Variants in BMPR2 observed in about 807,000 individuals in gnomAD.
The protein encoded by BMPR2 is bone morphogenetic protein receptor type 2.
A neutral mutation model predicts 100.8 loss-of-function variants in BMPR2; 29 were observed. The ratio of observed to expected loss-of-function variants is 0.29; its 90% confidence interval spans 0.21 to 0.39. The LOEUF (loss-of-function observed/expected upper bound fraction) is 0.39, where lower values mean the gene tolerates loss of function less well. Ranked by LOEUF, BMPR2 falls within the 10% of genes least tolerant of loss-of-function variation. The pLI is 1.00. For missense variants in BMPR2, 1,011 were observed against 1,274.5 expected, an observed-to-expected ratio of 0.79 and a Z score of 3.15; for synonymous variants, 382 against 442.3, an observed-to-expected ratio of 0.86 and a Z score of 1.71.
At chr2:202,461,874 G>C (rs1277494951) in intron 1 of BMPR2, among the ~76,000 whole-genome samples, 2 of 151,966 alleles carry the variant, frequency 1.3e-5, no homozygotes, top group Non-Finnish European at 2.9e-5. Flanking sequence ...TTAAAGGTAA[G>C]AAATCGTAAT....
intron 3 of BMPR2, among the ~76,000 whole-genome samples, chr2:202,471,535 A>G (rs150474329): frequency 2.4e-3 from 362 of 152,352 alleles, no homozygotes; most frequent in African/African-American, 8.2e-3. Context: ...ATAGTACTAT[A>G]TTCCAGTCAA....
At chr2:202,525,487 G>A (rs763855028) in intron 7 of BMPR2, among the ~76,000 whole-genome samples, 9 of 152,190 alleles carry the variant, frequency 5.9e-5, no homozygotes, top group African/African-American at 1.2e-4. Context: ...ATGAGCCAGC[G>A]CACCTGGCTG....
intron 10 of BMPR2, among the ~76,000 whole-genome samples, chr2:202,547,352 C>T (rs1476329896): frequency 6.6e-6 from 1 of 152,166 alleles, no homozygotes; most frequent in Non-Finnish European, 1.5e-5. Context: ...AATGTTTATA[C>T]TCCATTTCTT....
intron 7 of BMPR2, among the ~76,000 whole-genome samples, chr2:202,530,510 C>T (rs1688002377): frequency 6.6e-6 from 1 of 151,904 alleles, no homozygotes; most frequent in Non-Finnish European, 1.5e-5. Context: ...CCTTTTACAG[C>T]CCTATACTAT....
At position 202,434,927 on chromosome 2, in the gene BMPR2, ATATATATATT is replaced by A. The variant is rs1338637106; in HGVS notation, c.77-29878_77-29869del. ...AAAAAAAATATATATATATATATAT[ATATATATATT>A]TATTTATTTATTTACGTCTATAATC... On this transcript the variant is annotated intron_variant, in intron 1 of 12. Coordinates refer to ENST00000374580, the MANE Select transcript of BMPR2 (RefSeq NM_001204.7). Among the ~76,000 whole-genome samples, 170 of 113,586 alleles carry A rather than the reference ATATATATATT, an allele frequency of 1.5e-3. 3 individuals are homozygous for A. The highest frequency in any genetic ancestry group is 4.5e-3 in the Middle Eastern group (1 of 224). 74.5% of individuals were successfully genotyped at this position (113,586 alleles called of 152,430 possible).
At chr2:202,389,524 C>T (rs1305305605) in intron 1 of BMPR2, among the ~76,000 whole-genome samples, 1 of 110,718 alleles carries the variant, frequency 9.0e-6, no homozygotes, top group African/African-American at 3.3e-5. Context: ...AAGATTCCAT[C>T]TCAAAAAAAA....
rs559403910 is a variant in BMPR2, at chr2:202,489,274, A to G, written c.418+21585A>G. Among the ~76,000 whole-genome samples the G allele has an allele frequency of 8.9e-4, 136 of 152,284 alleles. 1 individual carries two copies. The highest frequency in any genetic ancestry group is 3.1e-3 in the African/African-American group (128 of 41,560). On this transcript the variant is annotated intron_variant, in intron 3 of 12. Transcript: ENST00000374580. The stretch of plus-strand genomic sequence containing the variant: ...CTCCTTGGCTTCCCAAAGTGCTGGG[A>G]TTACAGGCGTGAGCCACCACGCCCG...
rs377716569 is a variant in BMPR2 at position 202,397,697 on chromosome 2, A to G, written c.76+20147A>G. On this transcript the variant is annotated intron_variant, in intron 1 of 12. Coordinates refer to ENST00000374580, the MANE Select transcript of BMPR2 (RefSeq NM_001204.7). Reference sequence around the variant, plus strand: ...AAATTTTTTTTAGAGACAGGGTCTCACCATGTTGCCCAGGCTAGCTTCGAA... The same window carrying G: ...AAATTTTTTTTAGAGACAGGGTCTCGCCATGTTGCCCAGGCTAGCTTCGAA... 4.1e-3 allele frequency among the ~76,000 whole-genome samples: 626 copies of G among 151,662 alleles called. 5 individuals are homozygous for G. The highest frequency in any genetic ancestry group is 0.015 in the African/African-American group (603 of 41,518).
chr2:202,467,764 C>T, intron 3 of BMPR2, 75 bp downstream of exon 3: 1 of 1,491,334 alleles, frequency 6.7e-7, no homozygotes, highest in Non-Finnish European at 9.3e-7. Flanking sequence ...ACTTAAAAAA[C>T]ATTCAAGGTT....
At chr2:202,453,672 A>G (rs1280574034) in intron 1 of BMPR2, among the ~76,000 whole-genome samples, 2 of 152,200 alleles carry the variant, frequency 1.3e-5, no homozygotes, top group East Asian at 1.9e-4. Flanking sequence ...GAATAGTGGC[A>G]GAGGGGGTAA....
chr2:202,383,454 G>A (rs1209274760), intron 1 of BMPR2, among the ~76,000 whole-genome samples: 1 of 152,172 alleles, frequency 6.6e-6, no homozygotes, highest in African/African-American at 2.4e-5. Flanking sequence ...GCCAAGGTGG[G>A]CTGATCACCT....
At position 202,532,580 on chromosome 2, in the gene BMPR2, A is replaced by G. The variant is rs778936894; in HGVS notation, c.1129-5A>G. On this transcript the variant is annotated splice_region_variant and splice_polypyrimidine_tract_variant and intron_variant, in intron 8 of 12. Transcript: ENST00000374580. This position sits in a 1 kb window ranked among gnomAD's most constrained non-coding sequence, Gnocchi z 4.1. The stretch of plus-strand genomic sequence containing the variant: ...TCTCTAAAAAATATCACTCTAATTT[A>G]TCAGGTTGGCACTATCAGATATATG... The G allele has an allele frequency of 1.2e-6, 2 of 1,613,666 alleles. No individual in the cohort carries two copies. The highest frequency in any genetic ancestry group is 1.7e-6 in the Non-Finnish European group (2 of 1,179,796).
At chr2:202,425,720 A>T (rs1574442054) in intron 1 of BMPR2, among the ~76,000 whole-genome samples, 1 of 152,222 alleles carries the variant, frequency 6.6e-6, no homozygotes, top group African/African-American at 2.4e-5. Flanking sequence ...CTTATTTAAA[A>T]AATCTTTATG....
intron 1 of BMPR2, among the ~76,000 whole-genome samples, chr2:202,457,322 G>C (rs1692130946): frequency 6.6e-6 from 1 of 151,008 alleles, no homozygotes; most frequent in African/African-American, 2.4e-5. Context: ...TGCTTCAGAT[G>C]ATTAAGGGTT....
rs1400219413 is a variant in BMPR2, at chr2:202,380,744, C to A, written c.76+3194C>A. Among the ~76,000 whole-genome samples, 3 of 150,704 alleles carry A rather than the reference C, an allele frequency of 2.0e-5. No individual in the cohort carries two copies. In the South Asian group the frequency reaches 6.3e-4, roughly 32 times the overall value. The stretch of plus-strand genomic sequence containing the variant: ...TTCAAGCAATTCTGCCTCAGCCTCT[C>A]GGGTAGCTGGGATTACAGGCATGTG... On this transcript the variant is annotated intron_variant, in intron 1 of 12. Coordinates refer to ENST00000374580, the MANE Select transcript of BMPR2 (RefSeq NM_001204.7).
intron 1 of BMPR2, among the ~76,000 whole-genome samples, chr2:202,462,822 C>T (rs1692249961): frequency 6.6e-6 from 1 of 152,036 alleles, no homozygotes; most frequent in South Asian, 2.1e-4. Context: ...ATGTGATTCT[C>T]TTGCCTCAGC....
At chr2:202,535,354 C>T (rs1046588424) in intron 9 of BMPR2, among the ~76,000 whole-genome samples, 7 of 150,982 alleles carry the variant, frequency 4.6e-5, no homozygotes, top group Admixed American at 4.6e-4. Flanking sequence ...CAGAGGGTCT[C>T]CTCACTTCTC....
At chr2:202,434,977 G>C (rs1280291403) in intron 1 of BMPR2, among the ~76,000 whole-genome samples, 3 of 137,630 alleles carry the variant, frequency 2.2e-5, no homozygotes, top group African/African-American at 8.7e-5. Context: ...CAATTTGGGA[G>C]ACTGAGGTGG....
At chr2:202,412,347 C>T (rs900890132) in intron 1 of BMPR2, among the ~76,000 whole-genome samples, 2 of 152,196 alleles carry the variant, frequency 1.3e-5, no homozygotes, top group African/African-American at 4.8e-5. Flanking sequence ...GAGATGGAGT[C>T]TCACTCTGTC....
Sources: gnomAD v4.1 joint callset for allele counts (sites outside exome capture counted in the v4.1 genomes callset) on GRCh38, gnomAD v4.1.1 for gene constraint, Gnocchi (gnomAD v3.1) non-coding constraint, MANE v1.5 for transcripts, NCBI Gene and HGNC (gene_info 2026-07-23, HGNC 2026-07-21) for gene names.